DISC1: variants seen among roughly 807,000 people sequenced by gnomAD.
DISC1 encodes DISC1 scaffold protein.
Under a neutral mutation model 84.5 loss-of-function variants are expected in DISC1, and 57 were observed. That is an observed-to-expected ratio of 0.67 (90% CI 0.55 to 0.84). The LOEUF (loss-of-function observed/expected upper bound fraction) is 0.84, where lower values mean the gene tolerates loss of function less well. Ranked by LOEUF, DISC1 falls within the 40% of genes least tolerant of loss-of-function variation. The pLI is 0.00. For missense variants in DISC1, 1,000 were observed against 1,057.8 expected (o/e 0.95, Z 0.76); for synonymous variants, 411 against 415.2 (o/e 0.99, Z 0.12).
At chr1:231,778,197 A>T (rs1306028982) in intron 6 of DISC1, among the ~76,000 whole-genome samples, 1 of 152,206 alleles carries the variant, frequency 6.6e-6, no homozygotes, top group Admixed American at 6.5e-5. Flanking sequence ...CTCAAGTCAG[A>T]GAGGTCTGTC....
At chr1:231,813,939 G>A (rs1167183727) in intron 8 of DISC1, among the ~76,000 whole-genome samples, 1 of 151,904 alleles carries the variant, frequency 6.6e-6, no homozygotes, top group Non-Finnish European at 1.5e-5. Context: ...GTTCTCTTTT[G>A]TGCTTGTCAT....
At chr1:231,867,768 T>C (rs565160905) in intron 9 of DISC1, among the ~76,000 whole-genome samples, 1 of 152,346 alleles carries the variant, frequency 6.6e-6, no homozygotes, top group South Asian at 2.1e-4. Flanking sequence ...TGCAAATGAT[T>C]ACAAACTGAA....
At chr1:231,800,619 A>G (rs2079154728) in intron 8 of DISC1, among the ~76,000 whole-genome samples, 1 of 152,168 alleles carries the variant, frequency 6.6e-6, no homozygotes, top group South Asian at 2.1e-4. Context: ...GCGAATCCTC[A>G]AAGGATTATG....
At chr1:231,773,120 A>C (rs1422927509) in intron 6 of DISC1, among the ~76,000 whole-genome samples, 1 of 152,170 alleles carries the variant, frequency 6.6e-6, no homozygotes, top group African/African-American at 2.4e-5. Flanking sequence ...GTGTACAACT[A>C]TGGCTGTCTT....
At chr1:231,941,073 G>A (rs1002430434) in intron 9 of DISC1, 1 of 152,218 alleles carries the variant, frequency 6.6e-6, no homozygotes, top group Non-Finnish European at 1.5e-5. Context: ...GTGGGTGGGA[G>A]GTTCCCCTTC....
At position 231,920,224 on chromosome 1, in the gene DISC1, A is replaced by G. The variant is rs1381585756; in HGVS notation, c.1982-38604A>G. On this transcript the variant is annotated intron_variant, in intron 9 of 12. Coordinates refer to ENST00000439617, the MANE Select transcript of DISC1 (RefSeq NM_018662.3). ...TAAATTTGAATTTCAGATAAACCATACAAATTGTTTTTATTGTGGTAAAAT... is the reference window on the plus strand; with the variant it reads ...TAAATTTGAATTTCAGATAAACCATGCAAATTGTTTTTATTGTGGTAAAAT... Among the ~76,000 whole-genome samples, 4 of 152,220 alleles carry G rather than the reference A, an allele frequency of 2.6e-5. No homozygotes were observed. In the East Asian group the frequency reaches 7.7e-4, roughly 29 times the overall value.
intron 9 of DISC1, among the ~76,000 whole-genome samples, chr1:231,902,629 T>C (rs1277376548): frequency 1.3e-5 from 2 of 151,928 alleles, no homozygotes; most frequent in Non-Finnish European, 2.9e-5. Context: ...ATTATCTTAG[T>C]GTCCTGGGGC....
At chr1:231,774,741 A>G (rs1322160057) in intron 6 of DISC1, 3 of 455,938 alleles carry the variant, frequency 6.6e-6, no homozygotes, top group African/African-American at 6.0e-5. Flanking sequence ...GTCTTTTCCA[A>G]GCTGATGGGC....
chr1:231,716,983 G>A (rs963904233), intron 3 of DISC1, among the ~76,000 whole-genome samples: 1 of 152,166 alleles, frequency 6.6e-6, no homozygotes, highest in African/African-American at 2.4e-5. Flanking sequence ...AACACGTTCT[G>A]GATGGCAGAG....
intron 9 of DISC1, among the ~76,000 whole-genome samples, chr1:231,926,283 T>C (rs964797590): frequency 6.6e-6 from 1 of 152,164 alleles, no homozygotes; most frequent in African/African-American, 2.4e-5. Flanking sequence ...TTGGGATCAA[T>C]AGAGTGTCTA....
intron 9 of DISC1, among the ~76,000 whole-genome samples, chr1:231,856,190 T>C (rs2084258433): frequency 6.6e-6 from 1 of 152,170 alleles, no homozygotes; most frequent in Non-Finnish European, 1.5e-5. Flanking sequence ...GATTGCAGAT[T>C]TATGTGTCAC....
chr1:231,984,878 C>T (rs1408501661), intron 10 of DISC1, among the ~76,000 whole-genome samples: 2 of 152,002 alleles, frequency 1.3e-5, no homozygotes, highest in Admixed American at 6.6e-5. Flanking sequence ...ATGAACTGAA[C>T]GGGGTTTGAG....
chr1:231,863,906 T>TC (rs60144071), intron 9 of DISC1, among the ~76,000 whole-genome samples: 10,654 of 152,202 alleles, frequency 0.07, 1,060 homozygotes, highest in African/African-American at 0.22. Context: ...ATTCAATTCT[T>TC]CTTTTCTTGG....
At chr1:231,823,545 TA>T (rs1188286184) in intron 9 of DISC1, among the ~76,000 whole-genome samples, 9 of 152,228 alleles carry the variant, frequency 5.9e-5, no homozygotes, top group Admixed American at 5.9e-4. Flanking sequence ...AGAGTGATGC[TA>T]AATTCTTCAA....
intron 1 of DISC1, among the ~76,000 whole-genome samples, chr1:231,668,161 A>G (rs2062200029): frequency 6.6e-6 from 1 of 152,160 alleles, no homozygotes; most frequent in Non-Finnish European, 1.5e-5. Flanking sequence ...TGTGAAACCA[A>G]TCATTAAACA....
At chr1:231,794,298 A>T (rs1482506046) in intron 6 of DISC1, among the ~76,000 whole-genome samples, 1 of 151,814 alleles carries the variant, frequency 6.6e-6, no homozygotes, top group Non-Finnish European at 1.5e-5. Flanking sequence ...CTCTTCTGGT[A>T]AGCTTTCCCA....
Position 231,800,038 on chromosome 1 carries a change from C to G in DISC1, c.1690-70C>G, listed in dbSNP as rs946825434. On this transcript the variant is annotated intron_variant, in intron 7 of 12. Coordinates refer to ENST00000439617, the MANE Select transcript of DISC1 (RefSeq NM_018662.3). ...ACTTACAAACCCAGAAATCTCTGACCTGGCTGTTCCACTGCCTTCTGATTT... is the reference window on the plus strand; with the variant it reads ...ACTTACAAACCCAGAAATCTCTGACGTGGCTGTTCCACTGCCTTCTGATTT... 2.6e-6 allele frequency: 3 copies of G among 1,153,436 alleles called. No homozygotes were observed. The African/African-American group carries it at 4.6e-5, about 18-fold the overall frequency. 71.5% of individuals were successfully genotyped at this position (1,153,436 alleles called of 1,614,324 possible).
chr1:231,641,219 T>C (rs897608066), intron 1 of DISC1, among the ~76,000 whole-genome samples: 3 of 152,226 alleles, frequency 2.0e-5, no homozygotes, highest in East Asian at 1.9e-4. Context: ...ACTTCAAAAA[T>C]GAAGCCGCGG....
rs1288225061 is a variant in DISC1, at chr1:232,037,105, C to A, written c.*274C>A. 4 of 248,936 alleles carry A rather than the reference C, an allele frequency of 1.6e-5. No homozygotes were observed. The highest frequency in any genetic ancestry group is 7.6e-6 in the Non-Finnish European group (1 of 132,124). The allele number at this position is 248,936 out of a possible 1,614,324, so 15.4% of individuals were successfully genotyped here. A position where few individuals can be genotyped will look rare whatever the true frequency, so the allele number is the denominator to read the frequency against. On this transcript the variant is annotated 3_prime_UTR_variant, in exon 13 of 13. Transcript: ENST00000439617. ...ATGTCATTCTTGGGAATGTCTTCCA[C>A]AGGATTTGAGAATAGTTTCATCTCA...
Sources: allele counts gnomAD v4.1 joint callset (sites outside exome capture counted in the v4.1 genomes callset), GRCh38; gene constraint gnomAD v4.1.1; transcripts MANE v1.5; gene names NCBI Gene and HGNC (gene_info 2026-07-23, HGNC 2026-07-21).